ENTHD1: variants seen among roughly 807,000 people sequenced by gnomAD.
The protein encoded by ENTHD1 is ENTH domain containing 1.
Under a neutral mutation model 39.1 loss-of-function variants are expected in ENTHD1, and 23 were observed. The ratio of observed to expected loss-of-function variants is 0.59; its 90% confidence interval spans 0.42 to 0.83. The LOEUF is 0.83. Ranked by LOEUF, ENTHD1 falls within the 40% of genes least tolerant of loss-of-function variation. The pLI is 0.00. For missense variants in ENTHD1, 624 were observed against 705.4 expected, an observed-to-expected ratio of 0.88 and a Z score of 1.31; for synonymous variants, 230 against 258.2, an observed-to-expected ratio of 0.89 and a Z score of 1.05.
chr22:39,790,791 G>A (rs1222817342), intron 5 of ENTHD1, among the ~76,000 whole-genome samples: 1 of 152,152 alleles, frequency 6.6e-6, no homozygotes, highest in Non-Finnish European at 1.5e-5. Context: ...CTCTCACTAG[G>A]GTTGGGATTA....
intron 4 of ENTHD1, among the ~76,000 whole-genome samples, chr22:39,829,951 C>T (rs2065855820): frequency 6.6e-6 from 1 of 152,078 alleles, no homozygotes; most frequent in African/African-American, 2.4e-5. Flanking sequence ...TCATAGCATA[C>T]TATCTACAGT....
At chr22:39,759,047 T>G (rs889975898) in intron 6 of ENTHD1, among the ~76,000 whole-genome samples, 4 of 152,206 alleles carry the variant, frequency 2.6e-5, no homozygotes, top group African/African-American at 9.6e-5. Context: ...TGTGTAAATT[T>G]TTGAGGAATA....
intron 4 of ENTHD1, among the ~76,000 whole-genome samples, chr22:39,825,858 CAAACCAAA>C (rs1232858426): frequency 6.6e-6 from 1 of 151,948 alleles, no homozygotes; most frequent in East Asian, 1.9e-4. Flanking sequence ...ACTAACCAAA[CAAACCAAA>C]TAGATGTTCT....
At chr22:39,829,677 G>A (rs1168574297) in intron 4 of ENTHD1, among the ~76,000 whole-genome samples, 1 of 151,912 alleles carries the variant, frequency 6.6e-6, no homozygotes, top group Non-Finnish European at 1.5e-5. Context: ...TATAGTACCA[G>A]CTACTTGGAG....
intron 4 of ENTHD1, among the ~76,000 whole-genome samples, chr22:39,832,846 G>A (rs77373343): frequency 0.06 from 9,165 of 152,280 alleles, 389 homozygotes; most frequent in South Asian, 0.13. Context: ...ACGGAAGGAA[G>A]GGAGTCTGCA....
intron 3 of ENTHD1, among the ~76,000 whole-genome samples, chr22:39,853,348 T>G (rs964956424): frequency 6.6e-6 from 1 of 151,850 alleles, no homozygotes; most frequent in Non-Finnish European, 1.5e-5. Context: ...CTGGCCAATA[T>G]GGTGAAACCC....
At position 39,780,095 on chromosome 22, in the gene ENTHD1, T is replaced by A. The variant is rs1192352821; in HGVS notation, c.833-14486A>T. On this transcript the variant is annotated intron_variant, in intron 5 of 6. Transcript: ENST00000325157. ...TTAACAATAATAATACTGTGGGGGC[T>A]GTGTGTGGTGGCTCATGCCTGTAAC... is the stretch of plus-strand genomic sequence containing the variant. Among the ~76,000 whole-genome samples, 4 of 152,238 alleles carry A rather than the reference T, an allele frequency of 2.6e-5. No homozygotes were observed. In the East Asian group the frequency reaches 7.7e-4, roughly 29 times the overall value.
At chr22:39,827,708 T>C (rs2146661722) in intron 4 of ENTHD1, among the ~76,000 whole-genome samples, 1 of 152,326 alleles carries the variant, frequency 6.6e-6, no homozygotes, top group Non-Finnish European at 1.5e-5. Context: ...ATAAACTGTA[T>C]ACCAGTACTG....
At chr22:39,839,194 A>C (rs1406025637) in intron 3 of ENTHD1, among the ~76,000 whole-genome samples, 1 of 152,204 alleles carries the variant, frequency 6.6e-6, no homozygotes, top group African/African-American at 2.4e-5. Flanking sequence ...CAAAACAAAA[A>C]AAAATACTGA....
At chr22:39,760,006 A>G (rs2065218477) in intron 6 of ENTHD1, among the ~76,000 whole-genome samples, 1 of 151,626 alleles carries the variant, frequency 6.6e-6, no homozygotes, top group South Asian at 2.1e-4. Context: ...CTTTATTTCA[A>G]AATAGTTTTT....
At chr22:39,856,539 A>C (rs1481531466) in intron 3 of ENTHD1, among the ~76,000 whole-genome samples, 3 of 152,172 alleles carry the variant, frequency 2.0e-5, no homozygotes, top group Non-Finnish European at 4.4e-5. Context: ...TTTACTATAG[A>C]TTTTACATCC....
chr22:39,757,648 GC>G (rs1240679694), intron 6 of ENTHD1, among the ~76,000 whole-genome samples: 1 of 151,808 alleles, frequency 6.6e-6, no homozygotes, highest in Non-Finnish European at 1.5e-5. Flanking sequence ...CTGCACTCCA[GC>G]TTGGGTGACA....
At chr22:39,891,315 G>A (rs1353782763) in intron 1 of ENTHD1, among the ~76,000 whole-genome samples, 1 of 152,050 alleles carries the variant, frequency 6.6e-6, no homozygotes, top group African/African-American at 2.4e-5. Flanking sequence ...TTGGGGGCAG[G>A]GACCTTGACG....
intron 6 of ENTHD1, among the ~76,000 whole-genome samples, chr22:39,748,864 A>G (rs1422876926): frequency 1.3e-5 from 2 of 152,144 alleles, no homozygotes; most frequent in Non-Finnish European, 2.9e-5. Context: ...TTTGTCAGTA[A>G]TGAATTTCTT....
At chr22:39,869,649 A>C (rs1259037742) in intron 2 of ENTHD1, among the ~76,000 whole-genome samples, 3 of 152,032 alleles carry the variant, frequency 2.0e-5, no homozygotes, top group Non-Finnish European at 2.9e-5. Context: ...AAAAAAAAAA[A>C]AAAACCAGCA....
intron 5 of ENTHD1, among the ~76,000 whole-genome samples, chr22:39,805,489 G>A (rs2065633326): frequency 6.6e-6 from 1 of 152,216 alleles, no homozygotes; most frequent in Non-Finnish European, 1.5e-5. Flanking sequence ...TGGCTTAACT[G>A]TGCTAAGCAG....
chr22:39,752,098 A>G (rs989270455), intron 6 of ENTHD1, among the ~76,000 whole-genome samples: 2 of 151,992 alleles, frequency 1.3e-5, no homozygotes, highest in Non-Finnish European at 2.9e-5. Flanking sequence ...ATCTCTATAG[A>G]AGAGAGAGAG....
intron 5 of ENTHD1, among the ~76,000 whole-genome samples, chr22:39,802,761 G>C (rs1350688532): frequency 6.6e-6 from 1 of 152,210 alleles, no homozygotes; most frequent in African/African-American, 2.4e-5. Context: ...CAAGTGCCAT[G>C]CTTTGGGGTA....
intron 4 of ENTHD1, among the ~76,000 whole-genome samples, chr22:39,830,613 A>G (rs1243991579): frequency 6.6e-6 from 1 of 152,174 alleles, no homozygotes; most frequent in Non-Finnish European, 1.5e-5. Flanking sequence ...CTAAACAAGC[A>G]TCTTTCACAG....
Sources: allele counts gnomAD v4.1 joint callset (sites outside exome capture counted in the v4.1 genomes callset), GRCh38; gene constraint gnomAD v4.1.1; transcripts MANE v1.5; gene names NCBI Gene and HGNC (gene_info 2026-07-23, HGNC 2026-07-21).